Variants in ALMS1 observed in about 807,000 individuals in gnomAD.
ALMS1 encodes ALMS1 centrosome and basal body associated protein, also known as centrosome-associated protein ALMS1.
In ALMS1, 271 loss-of-function variants were observed where a neutral mutation model predicts 352.2. The observed-to-expected ratio is 0.77, with a 90% CI of 0.70 to 0.85. The LOEUF is 0.85. Among genes scored for constraint, ALMS1 ranks in the 40% least tolerant of loss-of-function variants. The pLI is 0.00. For missense variants in ALMS1, 5,445 were observed against 4,870.7 expected, an observed-to-expected ratio of 1.12 and a Z score of -3.51; for synonymous variants, 1,865 against 1,761.2, an observed-to-expected ratio of 1.06 and a Z score of -1.48.
intron 9 of ALMS1, among the ~76,000 whole-genome samples, chr2:73,464,254 A>G (rs998793222): frequency 6.6e-6 from 1 of 152,232 alleles, no homozygotes; most frequent in African/African-American, 2.4e-5. Context: ...ACCATGATCA[A>G]GTGGGCTTCA....
chr2:73,524,369 A>G (rs960820725), intron 11 of ALMS1, among the ~76,000 whole-genome samples: 1 of 152,224 alleles, frequency 6.6e-6, no homozygotes, highest in Non-Finnish European at 1.5e-5. Flanking sequence ...TAATCCCATC[A>G]AGGTAAATGG....
intron 12 of ALMS1, among the ~76,000 whole-genome samples, chr2:73,537,270 T>C (rs1303900831): frequency 6.6e-6 from 1 of 152,216 alleles, no homozygotes. Flanking sequence ...GGATAAGATG[T>C]TGATAGATTC....
chr2:73,552,120 T>C (rs1250320576), intron 13 of ALMS1, among the ~76,000 whole-genome samples: 2 of 152,180 alleles, frequency 1.3e-5, no homozygotes, highest in African/African-American at 4.8e-5. Flanking sequence ...TAGTTACATA[T>C]GTATACATGT....
intron 7 of ALMS1, among the ~76,000 whole-genome samples, chr2:73,442,140 G>A (rs990266296): frequency 2.0e-5 from 3 of 151,990 alleles, no homozygotes; most frequent in African/African-American, 7.3e-5. Context: ...ATATAATACA[G>A]GTTGAGCATC....
intron 2 of ALMS1, among the ~76,000 whole-genome samples, chr2:73,411,075 A>G (rs531948784): frequency 7.9e-5 from 12 of 152,126 alleles, no homozygotes; most frequent in South Asian, 2.1e-4. Context: ...CTAATCCCCA[A>G]TACCTCAGAA....
At chr2:73,510,827 C>G (rs530870430) in intron 10 of ALMS1, among the ~76,000 whole-genome samples, 14 of 152,314 alleles carry the variant, frequency 9.2e-5, no homozygotes, top group African/African-American at 2.9e-4. Flanking sequence ...TGCCCCTTCC[C>G]CCAGGTGCTC....
In ALMS1 at chr2:73,385,931, G is replaced by A. The variant is rs1004961829; in HGVS notation, c.63G>A (p.Glu21=). ...AGGAGGAGGAGGAGGAGGAGGAGGA[G>A]GAGGAGGAGGAAGAGGAGGAGGCTG... ...ELEEEEEEEE[E]EEEEEEEAAA... Residue 21 remains glutamate (E), a synonymous_variant, in exon 1 of 23, where the codon GAG becomes GAA. Coordinates refer to ENST00000613296, the MANE Select transcript of ALMS1 (RefSeq NM_001378454.1). The A allele has an allele frequency of 1.3e-5, 14 of 1,084,276 alleles. No homozygotes were observed. Among genetic ancestry groups the A allele is most frequent in the Non-Finnish European group, 1.8e-5 (13 of 726,426 alleles). The allele number at this position is 1,084,276 out of a possible 1,614,324, so 67.2% of individuals were successfully genotyped here.
At position 73,608,510 on chromosome 2, in the gene ALMS1, G is replaced by A. The variant is rs553656388; in HGVS notation, c.12398G>A (p.Arg4133Lys). Reference protein sequence around the residue: ...YEQLPEVQKKREEEKRKSEYK... With the variant: ...YEQLPEVQKKKEEEKRKSEYK... ...CAGCTTCCAGAAGTACAGAAAAAGA[G>A]AGAAGAAGAGAAGAGAAAATCAGAA... The change falls in exon 22 of 23, where the codon AGA becomes AAA. Residue 4133 changes from arginine (R) to lysine (K), a missense_variant. Coordinates refer to ENST00000613296, the MANE Select transcript of ALMS1 (RefSeq NM_001378454.1). 5 of 1,613,874 alleles carry A rather than the reference G, an allele frequency of 3.1e-6. 1 individual carries two copies. Among genetic ancestry groups the A allele is most frequent in the Non-Finnish European group, 4.2e-6 (5 of 1,179,916 alleles).
At chr2:73,580,079 C>A (rs533224506) in intron 16 of ALMS1, among the ~76,000 whole-genome samples, 4 of 151,984 alleles carry the variant, frequency 2.6e-5, no homozygotes, top group Non-Finnish European at 5.9e-5. Context: ...ATTCTGTTTT[C>A]TTTCATTTTC....
intron 12 of ALMS1, among the ~76,000 whole-genome samples, chr2:73,547,063 C>G (rs1335453830): frequency 6.6e-6 from 1 of 152,114 alleles, no homozygotes; most frequent in Middle Eastern, 3.2e-3. Flanking sequence ...TACTTCAGTA[C>G]AGTATTTAAT....
chr2:73,442,007 C>A (rs536707525), intron 7 of ALMS1, among the ~76,000 whole-genome samples: 5 of 152,228 alleles, frequency 3.3e-5, no homozygotes, highest in African/African-American at 1.2e-4. Context: ...GACACCTATG[C>A]CATGAAACTT....
At chr2:73,408,864 CTTTTTTTTTTTTT>C (rs58686365) in intron 2 of ALMS1, 117 bp downstream of exon 2, 40 of 188,554 alleles carry the variant, frequency 2.1e-4, no homozygotes, top group African/African-American at 9.2e-4. Context: ...GTTTTCTTGT[CTTTTTTTTTTTTT>C]TTTTTTTTTT....
At chr2:73,386,215 G>A (rs1479439520) in intron 1 of ALMS1, 23 bp downstream of exon 1, 1 of 1,496,746 alleles carries the variant, frequency 6.7e-7, no homozygotes, top group Non-Finnish European at 8.9e-7. Context: ...GGGGAGGGGT[G>A]TGGAGCCGCG....
intron 9 of ALMS1, among the ~76,000 whole-genome samples, chr2:73,481,173 A>T (rs1490816104): frequency 6.6e-6 from 1 of 152,014 alleles, no homozygotes; most frequent in African/African-American, 2.4e-5. Flanking sequence ...CTGAATGGTA[A>T]TGCCTAGGTT....
intron 1 of ALMS1, among the ~76,000 whole-genome samples, chr2:73,401,440 G>A (rs80136364): frequency 0.036 from 5,419 of 152,090 alleles, 315 homozygotes; most frequent in African/African-American, 0.12. Flanking sequence ...TCATTTAGTT[G>A]AAATATTTTT....
At position 73,490,119 on chromosome 2, in the gene ALMS1, C is replaced by T. The variant is rs992844961; in HGVS notation, c.8160C>T (p.His2720=). The T allele has an allele frequency of 6.2e-7, 1 of 1,614,146 alleles. No homozygotes were observed. The highest frequency in any genetic ancestry group is 8.5e-7 in the Non-Finnish European group (1 of 1,180,044). The stretch of plus-strand genomic sequence containing the variant: ...CTACCTCCATCACTTTTTCATCTCA[C>T]CGACATTCTAAATGCATTTCCAATT... ...KFTTSITFSS[H]RHSKCISNSS... The change falls in exon 10 of 23, where the codon CAC becomes CAT. Residue 2720 remains histidine, a synonymous_variant. Transcript: ENST00000613296.
Position 73,453,871 on chromosome 2 carries a change from A to C in ALMS1, c.7344A>C (p.Pro2448=), listed in dbSNP as rs533061408. The change falls in exon 8 of 23, where the codon CCA becomes CCC. Residue 2448 remains proline (P), a synonymous_variant. Coordinates refer to ENST00000613296, the MANE Select transcript of ALMS1 (RefSeq NM_001378454.1). ...CTGATGTTCTTCTAAACTTCTTTCC[A>C]TATGTTTCACCCAAGACAAGTATAA... ...SVSDVLLNFF[P]YVSPKTSITD... The C allele has an allele frequency of 1.2e-6, 2 of 1,614,008 alleles. No individual in the cohort carries two copies. The highest frequency in any genetic ancestry group is 2.7e-5 in the African/African-American group (2 of 74,920).
intron 7 of ALMS1, among the ~76,000 whole-genome samples, chr2:73,441,631 A>G (rs1040497426): frequency 2.0e-5 from 3 of 151,486 alleles, no homozygotes; most frequent in Admixed American, 6.6e-5. Context: ...TCCTATTCCT[A>G]TTTCTGGTCT....
chr2:73,575,997 A>G (rs563657525), intron 16 of ALMS1, among the ~76,000 whole-genome samples: 22 of 152,252 alleles, frequency 1.4e-4, no homozygotes, highest in Admixed American at 2.6e-4. Flanking sequence ...ATTTTTGTGT[A>G]TGGTGTAAGA....
Sources: gnomAD v4.1 joint callset for allele counts (sites outside exome capture counted in the v4.1 genomes callset) on GRCh38, gnomAD v4.1.1 for gene constraint, MANE v1.5 for transcripts, NCBI Gene and HGNC (gene_info 2026-07-23, HGNC 2026-07-21) for gene names.